Variants in BDP1 observed in about 807,000 individuals in gnomAD.
BDP1 encodes BDP1 general transcription factor IIIB subunit, also known as transcription factor TFIIIB component B'' homolog.
Under a neutral mutation model 266.6 loss-of-function variants are expected in BDP1, and 169 were observed. The ratio of observed to expected loss-of-function variants is 0.63; its 90% CI spans 0.56 to 0.72. The LOEUF (loss-of-function observed/expected upper bound fraction) is 0.72. Ranked by LOEUF, BDP1 falls within the 30% of genes least tolerant of loss-of-function variation. The pLI, the probability that BDP1 is intolerant of heterozygous loss-of-function variation, is 0.00. For missense variants in BDP1, 3,015 were observed against 3,053.8 expected (o/e 0.99, Z 0.30); for synonymous variants, 1,090 against 1,022.4 (o/e 1.07, Z -1.26).
chr5:71,564,966 C>A lies in BDP1; in HGVS notation c.*81C>A. 1.6e-6 allele frequency: 2 copies of A among 1,239,302 alleles called. No homozygotes were observed. The highest frequency in any genetic ancestry group is 2.2e-6 in the Non-Finnish European group (2 of 892,636). 76.8% of individuals were successfully genotyped at this position (1,239,302 alleles called of 1,614,324 possible). ...TACATCAACAAAACAGTATTTAGAG[C>A]AAAATATCACTGTCTTATTTTTCTT... is the stretch of plus-strand genomic sequence containing the variant. On this transcript the variant is annotated 3_prime_UTR_variant, in exon 39 of 39. Transcript: ENST00000358731.
At chr5:71,470,174 C>A (rs1762152753) in intron 6 of BDP1, among the ~76,000 whole-genome samples, 2 of 152,192 alleles carry the variant, frequency 1.3e-5, no homozygotes, top group South Asian at 4.2e-4. Context: ...AATGATCTGC[C>A]TGCCTTGGCC....
Position 71,560,176 on chromosome 5 carries a change from G to C in BDP1, c.7435G>C (p.Ala2479Pro), listed in dbSNP as rs1743530604. The C allele has an allele frequency of 6.2e-7, 1 of 1,614,046 alleles. No homozygotes were observed. Among genetic ancestry groups the C allele is most frequent in the African/African-American group, 1.3e-5 (1 of 74,938 alleles). ...IVSDKEERTD[A>P]APKSQQMDSR... ...GTCTGATAAGGAAGAAAGAACTGAT[G>C]CTGCTCCTAAGTCTCAGCAAATGGA... Residue 2479 changes from alanine (A) to proline (P), a missense_variant, in exon 37 of 39, where the codon GCT becomes CCT. Coordinates refer to ENST00000358731, the MANE Select transcript of BDP1 (RefSeq NM_018429.3).
At chr5:71,461,331 C>T (rs1346635843) in intron 2 of BDP1, among the ~76,000 whole-genome samples, 1 of 151,890 alleles carries the variant, frequency 6.6e-6, no homozygotes, top group African/African-American at 2.4e-5. Context: ...AATCTAAATA[C>T]TGCCTGGGTG....
rs374663028 is a variant in BDP1 at position 71,466,120 on chromosome 5, T to C, written c.684T>C (p.Asn228=). The part of the protein sequence containing the change: ...TREQEGKSTP[N]AEDNEMEEET... ...GGCAAGAAGGTAAGAGTACTCCTAA[T>C]GCTGAAGATAATGAAATGGAAGAAG... The change falls in exon 5 of 39, where the codon AAT becomes AAC. Residue 228 remains asparagine, a synonymous_variant. Transcript: ENST00000358731. 6.2e-6 allele frequency: 10 copies of C among 1,613,710 alleles called. No homozygotes were observed. The highest frequency in any genetic ancestry group is 2.7e-5 in the African/African-American group (2 of 74,914).
At chr5:71,516,395 A>C (rs1765224784) in intron 21 of BDP1, 124 bp downstream of exon 21, 3 of 689,942 alleles carry the variant, frequency 4.3e-6, no homozygotes, top group South Asian at 2.7e-5. Context: ...TACAGTTTCC[A>C]GTTTTGTTTC....
At chr5:71,466,795 A>G (rs889231674) in intron 5 of BDP1, among the ~76,000 whole-genome samples, 2 of 152,320 alleles carry the variant, frequency 1.3e-5, no homozygotes, top group Middle Eastern at 3.4e-3. Flanking sequence ...AAATAAAGCA[A>G]TGGAAGGTCT....
intron 7 of BDP1, among the ~76,000 whole-genome samples, chr5:71,477,073 C>G (rs1762634712): frequency 6.6e-6 from 1 of 151,538 alleles, no homozygotes. Context: ...CTCAAACTTC[C>G]TTACTTCAAG....
chr5:71,497,176 A>T, intron 12 of BDP1, 94 bp from the exon 13 acceptor site: 1 of 1,123,124 alleles, frequency 8.9e-7, no homozygotes, highest in Non-Finnish European at 1.3e-6. Flanking sequence ...TAAGCTCTTA[A>T]AGGAGTTCTT....
intron 36 of BDP1, among the ~76,000 whole-genome samples, chr5:71,558,367 C>CA: frequency 6.6e-6 from 1 of 151,788 alleles, no homozygotes; most frequent in Admixed American, 6.6e-5. Flanking sequence ...ACTAAAAATA[C>CA]AAAAAATTAG....
chr5:71,530,560 A>AT (rs965819952), intron 25 of BDP1, among the ~76,000 whole-genome samples: 3 of 151,040 alleles, frequency 2.0e-5, no homozygotes, highest in East Asian at 3.9e-4. Context: ...TTTTAAATTC[A>AT]TTTTTTTGGA....
At chr5:71,458,370 T>A (rs1554107323) in intron 1 of BDP1, among the ~76,000 whole-genome samples, 1 of 152,126 alleles carries the variant, frequency 6.6e-6, no homozygotes, top group Non-Finnish European at 1.5e-5. Context: ...TGAAAAAGAT[T>A]AAGAGTCTAT....
At chr5:71,482,346 TG>T (rs1763014001) in intron 7 of BDP1, among the ~76,000 whole-genome samples, 1 of 152,218 alleles carries the variant, frequency 6.6e-6, no homozygotes, top group Non-Finnish European at 1.5e-5. Context: ...AAGGTAAACA[TG>T]GGCACATCTT....
rs142093102 is a variant in BDP1 at position 71,529,044 on chromosome 5, T to C, written c.5773-3264T>C. Among the ~76,000 whole-genome samples the C allele has an allele frequency of 2.0e-3, 301 of 152,318 alleles. 1 individual carries two copies. Among genetic ancestry groups the C allele is most frequent in the Non-Finnish European group, 2.5e-3 (169 of 68,016 alleles). Reference sequence around the variant, plus strand: ...GGCTTTCCTTAGATTCTATTCCTTATGGCCAGCCTACTAAACAGGGAAATT... The same window carrying C: ...GGCTTTCCTTAGATTCTATTCCTTACGGCCAGCCTACTAAACAGGGAAATT... On this transcript the variant is annotated intron_variant, in intron 25 of 38. Coordinates refer to ENST00000358731, the MANE Select transcript of BDP1 (RefSeq NM_018429.3).
intron 8 of BDP1, among the ~76,000 whole-genome samples, chr5:71,485,223 G>A (rs1192633236): frequency 6.6e-6 from 1 of 152,184 alleles, no homozygotes; most frequent in African/African-American, 2.4e-5. Context: ...GCTGAGGCAG[G>A]AGGATCTTTT....
At position 71,455,930 on chromosome 5, in the gene BDP1, G is replaced by T; in HGVS notation, c.53G>T (p.Gly18Val). 1 of 1,611,038 alleles carries T rather than the reference G, an allele frequency of 6.2e-7. No individual in the cohort carries two copies. The highest frequency in any genetic ancestry group is 8.5e-7 in the Non-Finnish European group (1 of 1,178,932). Reference protein sequence around the residue: ...SVKPNVRPGVGARGSTASNPQ... With the variant: ...SVKPNVRPGVVARGSTASNPQ... ...AAGCCGAATGTCAGGCCTGGTGTAG[G>T]CGCCAGGGGCTCCACAGCTTCCAAT... The change falls in exon 1 of 39, where the codon GGC (glycine) becomes GTC (valine). Residue 18 changes from glycine (G) to valine (V), a missense_variant. Gly to Val is a moderately radical substitution (Grantham distance 109). This residue lies in a region of BDP1 where 2,383 missense variants were observed against 2,404.9 expected (regional missense o/e 0.99). Transcript: ENST00000358731.
At position 71,458,831 on chromosome 5, in the gene BDP1, A is replaced by T; in HGVS notation, c.465A>T (p.Leu155Phe). The T allele has an allele frequency of 6.2e-7, 1 of 1,611,770 alleles. No individual in the cohort carries two copies. The highest frequency in any genetic ancestry group is 8.5e-7 in the Non-Finnish European group (1 of 1,179,576). ...AAGCCCAGAAACTGAGGGAAATGTT[A>T]AAAGAAGAATTGAGAAAAGAGAAGG... ...IYKAQKLREM[L>F]KEELRKEKKQ... The change falls in exon 2 of 39, where the codon TTA becomes TTT. Residue 155 changes from leucine to phenylalanine, a missense_variant. Around this residue, in one of 3 missense-constraint regions of BDP1, gnomAD observed 2,383 missense variants for 2,404.9 expected, o/e 0.99. Transcript: ENST00000358731.
intron 13 of BDP1, among the ~76,000 whole-genome samples, chr5:71,498,414 T>TTTTC (rs1028823456): frequency 6.6e-6 from 1 of 151,696 alleles, no homozygotes; most frequent in Non-Finnish European, 1.5e-5. Context: ...TCTTTATTCT[T>TTTTC]TTTCTTTCTT....
chr5:71,520,466 ATGAT>A (rs1765439484), intron 22 of BDP1, among the ~76,000 whole-genome samples: 1 of 152,210 alleles, frequency 6.6e-6, no homozygotes, highest in African/African-American at 2.4e-5. Flanking sequence ...GATTAGGTTG[ATGAT>A]TGATCTCAGA....
downstream of BDP1, among the ~76,000 whole-genome samples, chr5:71,568,916 C>T (rs144247328): frequency 5.5e-3 from 831 of 152,254 alleles, 8 homozygotes; most frequent in African/African-American, 0.019. Flanking sequence ...AATCAGTTGT[C>T]CCTGCCACAA....
Sources: gnomAD v4.1 joint callset for allele counts (sites outside exome capture counted in the v4.1 genomes callset) on GRCh38, gnomAD v4.1.1 for gene constraint, gnomAD v4.1.1 regional missense constraint, MANE v1.5 for transcripts, NCBI Gene and HGNC (gene_info 2026-07-23, HGNC 2026-07-21) for gene names.